KCNIP4: variants seen among roughly 807,000 people sequenced by gnomAD.
The protein encoded by KCNIP4 is Kv channel-interacting protein 4.
KCNIP4 carries 12 observed loss-of-function variants against 34.0 expected under a neutral mutation model. The observed-to-expected ratio is 0.35, with a 90% CI of 0.23 to 0.57. The LOEUF is 0.57. KCNIP4 is among the 20% of genes least tolerant of loss of function. The pLI is 0.83. For synonymous variants in KCNIP4, 124 were observed against 102.2 expected (o/e 1.21, Z -1.29); for missense variants, 238 against 311.7 (o/e 0.76, Z 1.78).
At chr4:20,814,000 A>AC (rs1421142304) in intron 3 of KCNIP4, among the ~76,000 whole-genome samples, 2 of 152,264 alleles carry the variant, frequency 1.3e-5, no homozygotes, top group East Asian at 3.9e-4. Context: ...CTGCCAAGTA[A>AC]CCCACTATCT....
chr4:21,235,126 T>C (rs1027696270), intron 1 of KCNIP4, among the ~76,000 whole-genome samples: 16 of 152,182 alleles, frequency 1.1e-4, no homozygotes, highest in African/African-American at 3.4e-4. Context: ...TATTTCAGTG[T>C]CTATTGGCTA....
At chr4:20,940,883 T>C (rs180722989) in intron 1 of KCNIP4, among the ~76,000 whole-genome samples, 4 of 152,318 alleles carry the variant, frequency 2.6e-5, no homozygotes, top group East Asian at 1.9e-4. Context: ...AGAGAAAGAC[T>C]GTGGAGAAAA....
rs1423392399 is a variant in KCNIP4 at position 21,561,993 on chromosome 4, G to T, written c.61+386578C>A. Among the ~76,000 whole-genome samples, 3 of 151,972 alleles carry T rather than the reference G, an allele frequency of 2.0e-5. No individual in the cohort carries two copies. In the East Asian group the frequency reaches 5.8e-4, roughly 29 times the overall value. Reference sequence around the variant, plus strand: ...ACAATTAGGATGTGATTATAGCTTGGTCAGGGTATAGAATTCTGGGACTTT... The same window carrying T: ...ACAATTAGGATGTGATTATAGCTTGTTCAGGGTATAGAATTCTGGGACTTT... On this transcript the variant is annotated intron_variant, in intron 1 of 8. Coordinates refer to ENST00000382152, the MANE Select transcript of KCNIP4 (RefSeq NM_025221.6).
chr4:21,901,877 C>G (rs1727722734), intron 1 of KCNIP4, among the ~76,000 whole-genome samples: 1 of 152,086 alleles, frequency 6.6e-6, no homozygotes, highest in Admixed American at 6.6e-5. Context: ...AATAGGCCCT[C>G]CTATTCCCTC....
At chr4:20,801,265 A>G (rs1287519523) in intron 3 of KCNIP4, among the ~76,000 whole-genome samples, 1 of 151,678 alleles carries the variant, frequency 6.6e-6, no homozygotes, top group African/African-American at 2.4e-5. Context: ...CCCATCCTAA[A>G]AGAAGTGCTT....
intron 3 of KCNIP4, among the ~76,000 whole-genome samples, chr4:20,827,175 A>G (rs1303109172): frequency 6.6e-6 from 1 of 152,210 alleles, no homozygotes; most frequent in Non-Finnish European, 1.5e-5. Flanking sequence ...TAAGAAATTC[A>G]ACTACTCTGA....
intron 1 of KCNIP4, among the ~76,000 whole-genome samples, chr4:21,227,045 T>C (rs1462005835): frequency 2.0e-5 from 3 of 152,164 alleles, no homozygotes; most frequent in Middle Eastern, 3.2e-3. Flanking sequence ...GGGCATTCAG[T>C]AGAATTCAAT....
chr4:21,287,945 G>T (rs1230783618), intron 1 of KCNIP4, among the ~76,000 whole-genome samples: 1 of 152,116 alleles, frequency 6.6e-6, no homozygotes, highest in Non-Finnish European at 1.5e-5. Context: ...TTAATGATTT[G>T]CCTGATTCTT....
At position 20,955,040 on chromosome 4, in the gene KCNIP4, C is replaced by T. The variant is rs115717520; in HGVS notation, c.62-72331G>A. Among the ~76,000 whole-genome samples the T allele has an allele frequency of 4.8e-3, 736 of 152,240 alleles. 10 individuals carry two copies. Among genetic ancestry groups the T allele is most frequent in the African/African-American group, 0.017 (692 of 41,548 alleles). ...GAATTTGGCATGGAGGGGAGAGAGG[C>T]AGGCCCAGGGTAGAGGAAGCATAGT... On this transcript the variant is annotated intron_variant, in intron 1 of 8. Transcript: ENST00000382152.
At chr4:21,195,154 C>T (rs1219063432) in intron 1 of KCNIP4, among the ~76,000 whole-genome samples, 1 of 152,180 alleles carries the variant, frequency 6.6e-6, no homozygotes, top group Non-Finnish European at 1.5e-5. Flanking sequence ...TTCTCTCCCT[C>T]AAGGTCATTG....
chr4:21,256,253 T>C (rs934377338), intron 1 of KCNIP4, among the ~76,000 whole-genome samples: 1 of 152,008 alleles, frequency 6.6e-6, no homozygotes, highest in Non-Finnish European at 1.5e-5. Flanking sequence ...GAACTTAGCA[T>C]ATCAAACGGG....
intron 1 of KCNIP4, among the ~76,000 whole-genome samples, chr4:21,065,643 A>G (rs1744283263): frequency 6.7e-6 from 1 of 150,088 alleles, no homozygotes; most frequent in Non-Finnish European, 1.5e-5. Context: ...ATAAACTACA[A>G]TATAATCCAG....
intron 1 of KCNIP4, among the ~76,000 whole-genome samples, chr4:21,025,776 G>T (rs563514999): frequency 1.3e-5 from 2 of 151,870 alleles, no homozygotes; most frequent in African/African-American, 4.8e-5. Flanking sequence ...GGATGGTCTC[G>T]ATCTCCTGAC....
At chr4:21,828,001 A>G (rs1414509604) in intron 1 of KCNIP4, among the ~76,000 whole-genome samples, 1 of 140,090 alleles carries the variant, frequency 7.1e-6, no homozygotes, top group East Asian at 2.2e-4. Flanking sequence ...AAAAGGCACC[A>G]TTAATGAGAG....
At chr4:21,841,758 T>C (rs1289648442) in intron 1 of KCNIP4, among the ~76,000 whole-genome samples, 2 of 152,180 alleles carry the variant, frequency 1.3e-5, no homozygotes, top group African/African-American at 4.8e-5. Flanking sequence ...CTAAATGATA[T>C]TTTTAAAAAA....
At chr4:21,297,336 C>T (rs1364764662) in intron 1 of KCNIP4, among the ~76,000 whole-genome samples, 1 of 151,938 alleles carries the variant, frequency 6.6e-6, no homozygotes, top group African/African-American at 2.4e-5. Flanking sequence ...GTGAAAAACA[C>T]CTCAATTTAT....
At chr4:20,848,562 CCACTTGTATTAGA>C (rs1560511645) in intron 3 of KCNIP4, among the ~76,000 whole-genome samples, 1 of 151,824 alleles carries the variant, frequency 6.6e-6, no homozygotes, top group East Asian at 1.9e-4. Context: ...TTGTGAAGTG[CCACTTGTATTAGA>C]CATGCTGCAG....
At chr4:21,756,154 T>G (rs914279763) in intron 1 of KCNIP4, among the ~76,000 whole-genome samples, 2 of 152,218 alleles carry the variant, frequency 1.3e-5, no homozygotes, top group Non-Finnish European at 2.9e-5. Flanking sequence ...CCTAAAGAAA[T>G]GCAGATACAT....
chr4:21,239,390 T>A (rs2109044953), intron 1 of KCNIP4, among the ~76,000 whole-genome samples: 2 of 151,326 alleles, frequency 1.3e-5, no homozygotes, highest in South Asian at 4.2e-4. Flanking sequence ...CTAATTAAAC[T>A]AAAGAGCTTC....
Sources: allele counts gnomAD v4.1 joint callset (sites outside exome capture counted in the v4.1 genomes callset), GRCh38; gene constraint gnomAD v4.1.1; transcripts MANE v1.5; gene names NCBI Gene and HGNC (gene_info 2026-07-23, HGNC 2026-07-21).